Variants in SPAG8 observed in about 807,000 individuals in gnomAD.
SPAG8 encodes the protein sperm associated antigen 8.
Under a neutral mutation model 45.3 loss-of-function variants are expected in SPAG8, and 36 were observed. The observed-to-expected ratio is 0.80, with a 90% CI of 0.61 to 1.05. SPAG8 has a LOEUF of 1.05. SPAG8 is among the 50% of genes least tolerant of loss of function. The pLI is 0.00. For missense variants in SPAG8, 573 were observed against 609.2 expected (o/e 0.94, Z 0.63); for synonymous variants, 227 against 232.6 (o/e 0.98, Z 0.22).
rs775723193 is a variant in SPAG8, at chr9:35,810,467, G to A, written c.1172C>T (p.Ala391Val). The A allele has an allele frequency of 6.2e-7, 1 of 1,614,012 alleles. No individual in the cohort carries two copies. The highest frequency in any genetic ancestry group is 1.1e-5 in the South Asian group (1 of 91,080). ...TGTTGGGGCAGGAGTCCCTGCTTGT[G>A]CCAGCTCCATTCGGTAGTCATGGTG... ...VTHHDYRMEL[A>V]QAGTPAPTKP... Residue 391 changes from alanine (A) to valine (V), a missense_variant, in exon 5 of 7, where the codon GCA becomes GTA. By Grantham distance (64) the Ala-to-Val change is moderately conservative. Coordinates refer to ENST00000396638, the MANE Select transcript of SPAG8 (RefSeq NM_001039592.2).
intron 3 of SPAG8, 25 bp from the exon 4 acceptor site, chr9:35,810,707 A>G (rs1828741398): frequency 6.2e-7 from 1 of 1,614,022 alleles, no homozygotes; most frequent in African/African-American, 1.3e-5. Flanking sequence ...GGGGGTGGGC[A>G]AGGTGGGGTC....
chr9:35,811,101 C>T (rs112355362), intron 2 of SPAG8, 44 bp from the exon 3 acceptor site: 2 of 1,588,592 alleles, frequency 1.3e-6, no homozygotes, highest in East Asian at 2.2e-5. Flanking sequence ...CTTCTGGTAC[C>T]CACCCTCATG....
At position 35,811,276 on chromosome 9, in the gene SPAG8, C is replaced by A; in HGVS notation, c.770G>T (p.Gly257Val). 6.2e-7 allele frequency: 1 copy of A among 1,613,908 alleles called. No individual in the cohort carries two copies. The highest frequency in any genetic ancestry group is 8.5e-7 in the Non-Finnish European group (1 of 1,179,844). The change falls in exon 2 of 7, where the codon GGA (glycine) becomes GTA (valine). Residue 257 changes from glycine (G) to valine (V), a missense_variant. By Grantham distance (109) the Gly-to-Val change is moderately radical. Transcript: ENST00000396638. ...TTTAATGTCTGGGGGTTTCCATAGTCCTCGGGCACCCGGTTCTAAGACTTG... is the reference window on the plus strand; with the variant it reads ...TTTAATGTCTGGGGGTTTCCATAGTACTCGGGCACCCGGTTCTAAGACTTG... The part of the protein sequence containing the change: ...FLQVLEPGAR[G>V]LWKPPDIKGK...
downstream of SPAG8, chr9:35,808,437 T>C: frequency 1.3e-6 from 2 of 1,525,060 alleles, no homozygotes; most frequent in Non-Finnish European, 9.1e-7. The surrounding 1 kb of genome is among the most constrained non-coding windows in gnomAD (Gnocchi z 4.0). Context: ...GGTGTCAAGC[T>C]TGTCTCCCTC....
At position 35,812,132 on chromosome 9, in the gene SPAG8, A is replaced by C. The variant is rs749710480; in HGVS notation, c.16T>G (p.Ser6Ala). 1.9e-6 allele frequency: 3 copies of C among 1,607,472 alleles called. No individual in the cohort carries two copies. The highest frequency in any genetic ancestry group is 2.2e-5 in the East Asian group (1 of 44,874). METNE[S>A]TEGSRSRSRS... ...GACCGCGACCGCGATCCCTCCGTAG[A>C]CTCGTTGGTCTCCATCTTCAGACTC... The change falls in exon 1 of 7, where the codon TCT (serine) becomes GCT (alanine). Residue 6 changes from serine to alanine, a missense_variant. Coordinates refer to ENST00000396638, the MANE Select transcript of SPAG8 (RefSeq NM_001039592.2).
chr9:35,810,588 C>T, intron 4 of SPAG8, 35 bp from the exon 5 acceptor site: 1 of 1,614,036 alleles, frequency 6.2e-7, no homozygotes, highest in Non-Finnish European at 8.5e-7. Context: ...GCCATTCTCA[C>T]CCAATTTTTC....
At position 35,811,288 on chromosome 9, in the gene SPAG8, G is replaced by A. The variant is rs529368542; in HGVS notation, c.758C>T (p.Pro253Leu). The change falls in exon 2 of 7, where the codon CCG becomes CTG. Residue 253 changes from proline (P) to leucine (L), a missense_variant. Transcript: ENST00000396638. ...GGGTTTCCATAGTCCTCGGGCACCC[G>A]GTTCTAAGACTTGCAAAAATTCCCA... ...PPWEFLQVLE[P>L]GARGLWKPPD... 7.4e-5 allele frequency: 120 copies of A among 1,613,970 alleles called. 2 individuals carry two copies. The South Asian group carries it at 7.7e-4, about 10-fold the overall frequency.
downstream of SPAG8, chr9:35,809,133 C>T (rs75116037): frequency 2.5e-6 from 4 of 1,593,392 alleles, no homozygotes; most frequent in East Asian, 8.9e-5. This position sits in a 1 kb window ranked among gnomAD's most constrained non-coding sequence, Gnocchi z 4.1. Flanking sequence ...ATTCCACCAT[C>T]CTCCCCATTC....
rs1588079082 is a variant in SPAG8 at position 35,810,794 on chromosome 9, T to C, written c.1039+89A>G. On this transcript the variant is annotated intron_variant, in intron 3 of 6. Transcript: ENST00000396638. ...CTTGGGGTTCCGCCCTTATATCCAC[T>C]GGAGAATCCACAGCCCCACCAGAAA... The C allele has an allele frequency of 5.6e-6, 9 of 1,595,450 alleles. No individual in the cohort carries two copies. In the East Asian group the frequency reaches 2.0e-4, roughly 36 times the overall value.
downstream of SPAG8, chr9:35,808,983 G>A (rs1015885632): frequency 7.6e-6 from 7 of 922,676 alleles, no homozygotes; most frequent in African/African-American, 9.7e-5. This position sits in a 1 kb window ranked among gnomAD's most constrained non-coding sequence, Gnocchi z 4.0. Flanking sequence ...GGCATATTTT[G>A]GTTCTAATAG....
rs1399595207 is a variant in SPAG8, at chr9:35,812,261, G to T, written c.-114C>A. On this transcript the variant is annotated 5_prime_UTR_variant, in exon 1 of 7. Transcript: ENST00000396638. ...GCGGTGGAGGCAAGTCCTCTGCGGG[G>T]CGGAAGTCTTCAGCCTAGTGCTGTT... The T allele has an allele frequency of 2.5e-6, 3 of 1,222,016 alleles. No homozygotes were observed. The highest frequency in any genetic ancestry group is 3.0e-5 in the African/African-American group (2 of 66,728). 75.7% of individuals were successfully genotyped at this position (1,222,016 alleles called of 1,614,324 possible).
chr9:35,809,634 G>C, downstream of SPAG8: 1 of 1,130,626 alleles, frequency 8.8e-7, no homozygotes. The surrounding 1 kb of genome is among the most constrained non-coding windows in gnomAD (Gnocchi z 4.1). Context: ...TCCCTCTCTG[G>C]CTTGGTCCCC....
intron 2 of SPAG8, 34 bp downstream of exon 2, chr9:35,811,147 CT>C: frequency 6.4e-7 from 1 of 1,556,970 alleles, no homozygotes; most frequent in Non-Finnish European, 8.7e-7. Flanking sequence ...TGAGGGCAGC[CT>C]TCAAGAAAAG....
downstream of SPAG8, chr9:35,809,396 G>A (rs143876283): frequency 2.5e-5 from 40 of 1,614,004 alleles, 1 homozygote; most frequent in African/African-American, 1.2e-4. This position sits in a 1 kb window ranked among gnomAD's most constrained non-coding sequence, Gnocchi z 4.1. Context: ...GGAAAGATGC[G>A]AACATACTGG....
Position 35,811,398 on chromosome 9 carries a change from C to A in SPAG8, c.648G>T (p.Gly216=). 1 of 1,614,140 alleles carries A rather than the reference C, an allele frequency of 6.2e-7. No homozygotes were observed. Among genetic ancestry groups the A allele is most frequent in the Non-Finnish European group, 8.5e-7 (1 of 1,180,004 alleles). The change falls in exon 2 of 7, where the codon GGG becomes GGT. Residue 216 remains glycine (G), a synonymous_variant. Coordinates refer to ENST00000396638, the MANE Select transcript of SPAG8 (RefSeq NM_001039592.2). ...DSELSPCIPP[G]FRNLVADRVP... is the part of the protein sequence containing the mutation. ...CCCGATCTGCCACCAGGTTTCTGAA[C>A]CCTGGAGGAATACAGGGGCTGAGCT...
downstream of SPAG8, chr9:35,808,074 T>C: frequency 1.2e-6 from 1 of 853,018 alleles, no homozygotes; most frequent in South Asian, 1.4e-5. This position sits in a 1 kb window ranked among gnomAD's most constrained non-coding sequence, Gnocchi z 4.0. Context: ...TTTATTCTCT[T>C]ACATAGCTTT....
chr9:35,811,398 C>T lies in SPAG8; in HGVS notation c.648G>A (p.Gly216=). 6.2e-7 allele frequency: 1 copy of T among 1,614,140 alleles called. No homozygotes were observed. The stretch of plus-strand genomic sequence containing the variant: ...CCCGATCTGCCACCAGGTTTCTGAA[C>T]CCTGGAGGAATACAGGGGCTGAGCT... ...DSELSPCIPP[G]FRNLVADRVP... The change falls in exon 2 of 7, where the codon GGG becomes GGA. Residue 216 remains glycine (G), a synonymous_variant. Coordinates refer to ENST00000396638, the MANE Select transcript of SPAG8 (RefSeq NM_001039592.2).
Position 35,811,686 on chromosome 9 carries a change from A to C in SPAG8, c.360T>G (p.Cys120Trp). The C allele has an allele frequency of 6.2e-7, 1 of 1,614,214 alleles. No individual in the cohort carries two copies. The stretch of plus-strand genomic sequence containing the variant: ...TTGTAGTGCAAGTGTCCTGAGCAAT[A>C]CAGGAAACATAGACGGGCTCAAAGC... ...SLGFEPVYVS[C>W]IAQDTCTTTD... Residue 120 changes from cysteine (C) to tryptophan (W), a missense_variant, in exon 2 of 7, where the codon TGT becomes TGG. Cys to Trp is a radical substitution (Grantham distance 215). Coordinates refer to ENST00000396638, the MANE Select transcript of SPAG8 (RefSeq NM_001039592.2).
chr9:35,810,738 A>G, intron 3 of SPAG8, 56 bp from the exon 4 acceptor site: 1 of 1,610,508 alleles, frequency 6.2e-7, no homozygotes, highest in Non-Finnish European at 8.5e-7. Flanking sequence ...GGAGGCCCAG[A>G]AGAAACTAAC....
Sources: gnomAD v4.1 joint callset for allele counts on GRCh38, gnomAD v4.1.1 for gene constraint, Gnocchi (gnomAD v3.1) non-coding constraint, MANE v1.5 for transcripts, NCBI Gene and HGNC (gene_info 2026-07-23, HGNC 2026-07-21) for gene names.